GALNT1: variants seen among roughly 807,000 people sequenced by gnomAD.
The protein encoded by GALNT1 is polypeptide N-acetylgalactosaminyltransferase 1.
In GALNT1, 17 loss-of-function variants were observed where a neutral mutation model predicts 65.7. The observed-to-expected ratio is 0.26, with a 90% CI of 0.18 to 0.39. GALNT1 has a LOEUF of 0.39. Among genes scored for constraint, GALNT1 ranks in the 10% least tolerant of loss-of-function variants. GALNT1 has a pLI of 1.00. For missense variants in GALNT1, 460 were observed against 672.8 expected, an observed-to-expected ratio of 0.68 and a Z score of 3.50; for synonymous variants, 210 against 219.7, an observed-to-expected ratio of 0.96 and a Z score of 0.39.
intron 1 of GALNT1, among the ~76,000 whole-genome samples, chr18:35,613,875 G>GAA (rs139407350): frequency 0.014 from 2,052 of 151,072 alleles, 39 homozygotes; most frequent in African/African-American, 0.046. Context: ...TAATGGTGGG[G>GAA]GAAAAAAAAA....
intron 1 of GALNT1, among the ~76,000 whole-genome samples, chr18:35,617,812 T>G (rs16966904): frequency 0.098 from 14,930 of 152,180 alleles, 899 homozygotes; most frequent in African/African-American, 0.18. Context: ...TTAAGTTGAT[T>G]TGTAGATTCA....
In GALNT1 at chr18:35,581,796, A is replaced by C. The variant is rs2046320602; in HGVS notation, c.-170A>C. 2 of 920 alleles carry C rather than the reference A, an allele frequency of 2.2e-3. No homozygotes were observed. The highest frequency in any genetic ancestry group is 9.3e-3 in the Non-Finnish European group (2 of 216). 0.1% of individuals were successfully genotyped at this position (920 alleles called of 1,614,324 possible). A position where few individuals can be genotyped will look rare whatever the true frequency, so the allele number is the denominator to read the frequency against. On this transcript the variant is annotated 5_prime_UTR_variant, in exon 1 of 12. Coordinates refer to ENST00000269195, the MANE Select transcript of GALNT1 (RefSeq NM_020474.4). ...CCGAGAGTAGCGCGCTGGCCGCGGG[A>C]CCGGCCGCGACCGCCGCGGCCGGCC... is the stretch of plus-strand genomic sequence containing the variant.
chr18:35,676,947 G>C (rs1424875287), intron 3 of GALNT1, among the ~76,000 whole-genome samples: 3 of 152,194 alleles, frequency 2.0e-5, no homozygotes, highest in African/African-American at 7.2e-5. Flanking sequence ...GCATGCTCAG[G>C]CATAAATAGT....
chr18:35,673,066 C>T (rs1279088158), intron 3 of GALNT1, among the ~76,000 whole-genome samples: 1 of 152,148 alleles, frequency 6.6e-6, no homozygotes, highest in Non-Finnish European at 1.5e-5. Flanking sequence ...CTTAGTTGAT[C>T]TTCTCTGAAT....
chr18:35,608,895 A>C (rs2046683481), intron 1 of GALNT1, among the ~76,000 whole-genome samples: 1 of 152,210 alleles, frequency 6.6e-6, no homozygotes, highest in South Asian at 2.1e-4. Flanking sequence ...GGGCACTGTA[A>C]GTCCAAATGC....
upstream of GALNT1, among the ~76,000 whole-genome samples, chr18:35,581,556 G>A (rs2046314123): frequency 2.3e-3 from 2 of 876 alleles, no homozygotes; most frequent in Non-Finnish European, 5.1e-3. Flanking sequence ...GGCGCCCGCC[G>A]CGCGACGAGC....
At chr18:35,671,219 A>C (rs1300321253) in intron 3 of GALNT1, among the ~76,000 whole-genome samples, 1 of 151,994 alleles carries the variant, frequency 6.6e-6, no homozygotes, top group Non-Finnish European at 1.5e-5. Context: ...GTATATACAC[A>C]CATATATATT....
intron 7 of GALNT1, among the ~76,000 whole-genome samples, chr18:35,689,499 T>C (rs1454902020): frequency 1.3e-5 from 2 of 152,194 alleles, no homozygotes; most frequent in Non-Finnish European, 2.9e-5. Context: ...GAAGTTCAGC[T>C]ATAAAACTTA....
In GALNT1 at chr18:35,602,768, T is replaced by G. The variant is rs578260168; in HGVS notation, c.-104+20906T>G. ...TTCTGAATTGTTTTTCTGTGTTACC[T>G]TGGAGCTTGCTGATTTCCCATAGAA... On this transcript the variant is annotated intron_variant, in intron 1 of 11. Coordinates refer to ENST00000269195, the MANE Select transcript of GALNT1 (RefSeq NM_020474.4). 3.3e-5 allele frequency among the ~76,000 whole-genome samples: 5 copies of G among 152,322 alleles called. No homozygotes were observed. The South Asian group carries it at 1.0e-3, about 32-fold the overall frequency.
chr18:35,593,628 C>T (rs2046470969), intron 1 of GALNT1, among the ~76,000 whole-genome samples: 1 of 151,954 alleles, frequency 6.6e-6, no homozygotes, highest in African/African-American at 2.4e-5. Context: ...CAGCTAATCA[C>T]CTACTAGGAT....
chr18:35,592,785 G>T (rs897450708), intron 1 of GALNT1, among the ~76,000 whole-genome samples: 1 of 152,096 alleles, frequency 6.6e-6, no homozygotes, highest in Admixed American at 6.5e-5. Flanking sequence ...TCAGGCTCTG[G>T]TGTTTGTCTC....
At chr18:35,616,823 C>T (rs2046789420) in intron 1 of GALNT1, among the ~76,000 whole-genome samples, 1 of 152,072 alleles carries the variant, frequency 6.6e-6, no homozygotes, top group South Asian at 2.1e-4. Context: ...CTCAGACCTT[C>T]CAGTCCTCTA....
chr18:35,645,441 G>A (rs1246682754), intron 1 of GALNT1, among the ~76,000 whole-genome samples: 2 of 151,924 alleles, frequency 1.3e-5, no homozygotes, highest in Admixed American at 1.3e-4. Flanking sequence ...CACCGTGTTA[G>A]CCAGGATGGT....
At chr18:35,698,234 G>A (rs1445513224) in intron 9 of GALNT1, among the ~76,000 whole-genome samples, 6 of 152,170 alleles carry the variant, frequency 3.9e-5, no homozygotes, top group Non-Finnish European at 8.8e-5. Context: ...TTGGGAAGCC[G>A]AGGTGGGTGG....
At chr18:35,629,812 C>G (rs1011828485) in intron 1 of GALNT1, among the ~76,000 whole-genome samples, 2 of 152,116 alleles carry the variant, frequency 1.3e-5, no homozygotes, top group African/African-American at 4.8e-5. Flanking sequence ...TTCAGGAAAC[C>G]CATCTCGTGC....
At chr18:35,651,516 G>A (rs1051152161) in intron 1 of GALNT1, among the ~76,000 whole-genome samples, 1 of 152,090 alleles carries the variant, frequency 6.6e-6, no homozygotes, top group Non-Finnish European at 1.5e-5. Flanking sequence ...ATATTACTTT[G>A]GGGTTTGATG....
chr18:35,628,383 A>G (rs1276740560), intron 1 of GALNT1, among the ~76,000 whole-genome samples: 1 of 152,194 alleles, frequency 6.6e-6, no homozygotes, highest in Non-Finnish European at 1.5e-5. Flanking sequence ...CAGAGGAACA[A>G]TCAGGCAGCA....
Position 35,709,809 on chromosome 18 carries a change from C to T in GALNT1, c.*39C>T, listed in dbSNP as rs371816975. 9.9e-6 allele frequency: 16 copies of T among 1,609,036 alleles called. No homozygotes were observed. In the Admixed American group the frequency reaches 2.5e-4, roughly 25 times the overall value. On this transcript the variant is annotated 3_prime_UTR_variant, in exon 12 of 12. Coordinates refer to ENST00000269195, the MANE Select transcript of GALNT1 (RefSeq NM_020474.4). ...AAAAAACGAAAAAAATAAGGATTGACTGGGCTACCTCAGCATACATTTCTG... is the reference window on the plus strand; with the variant it reads ...AAAAAACGAAAAAAATAAGGATTGATTGGGCTACCTCAGCATACATTTCTG...
chr18:35,709,763 TATTCTGAGACCAAA>T lies in GALNT1; in HGVS notation c.1674_*7del. 1.2e-6 allele frequency: 2 copies of T among 1,614,008 alleles called. No homozygotes were observed. The highest frequency in any genetic ancestry group is 1.7e-6 in the Non-Finnish European group (2 of 1,179,978). ...CTTCGAAACGTCACCCTGCCAGAAA[TATTCTGAGACCAAA>T]TTTACAAAAAAACGAAAAAAATAAG... On this transcript the variant is annotated stop_lost and 3_prime_UTR_variant, in exon 12 of 12. Transcript: ENST00000269195.
Sources: gnomAD v4.1 joint callset for allele counts (sites outside exome capture counted in the v4.1 genomes callset) on GRCh38, gnomAD v4.1.1 for gene constraint, MANE v1.5 for transcripts, NCBI Gene and HGNC (gene_info 2026-07-23, HGNC 2026-07-21) for gene names.